PIK3CA: variants seen among roughly 807,000 people sequenced by gnomAD.
PIK3CA encodes phosphatidylinositol-4,5-bisphosphate 3-kinase catalytic subunit alpha, also known as phosphatidylinositol 4,5-bisphosphate 3-kinase catalytic subunit alpha isoform.
A neutral mutation model predicts 138.2 loss-of-function variants in PIK3CA; 27 were observed. That is an observed-to-expected ratio of 0.20 (90% CI 0.14 to 0.27). The LOEUF (loss-of-function observed/expected upper bound fraction) is 0.27, where lower values mean the gene tolerates loss of function less well. Among genes scored for constraint, PIK3CA ranks in the 10% least tolerant of loss-of-function variants. The pLI is 1.00. For missense variants in PIK3CA, 544 were observed against 1,277.4 expected (o/e 0.43, Z 8.75); for synonymous variants, 358 against 413.2 (o/e 0.87, Z 1.62).
intron 4 of PIK3CA, among the ~76,000 whole-genome samples, chr3:179,203,182 C>A (rs542837057): frequency 6.6e-6 from 1 of 151,958 alleles, no homozygotes; most frequent in Non-Finnish European, 1.5e-5. Context: ...CCTCGTGATC[C>A]GCCCGCCTCG....
intron 9 of PIK3CA, among the ~76,000 whole-genome samples, chr3:179,211,183 A>G (rs566391813): frequency 1.3e-5 from 2 of 152,326 alleles, no homozygotes; most frequent in African/African-American, 4.8e-5. Context: ...AAAATTTATC[A>G]AAACATACAC....
intron 9 of PIK3CA, among the ~76,000 whole-genome samples, chr3:179,213,561 A>C (rs78338421): frequency 6.6e-6 from 1 of 152,192 alleles, no homozygotes; most frequent in Non-Finnish European, 1.5e-5. Flanking sequence ...ACGACAGTGA[A>C]GTTTGCCACA....
intron 1 of PIK3CA, among the ~76,000 whole-genome samples, chr3:179,174,007 C>T (rs553528620): frequency 3.1e-4 from 47 of 152,070 alleles, no homozygotes; most frequent in Middle Eastern, 6.8e-3. Context: ...GGATTACAGG[C>T]GTGACCCATT....
intron 1 of PIK3CA, among the ~76,000 whole-genome samples, chr3:179,167,795 T>A (rs1471388120): frequency 6.6e-6 from 1 of 152,198 alleles, no homozygotes; most frequent in Non-Finnish European, 1.5e-5. Flanking sequence ...ATATTCCACA[T>A]ACTGCTCAAA....
chr3:179,152,063 T>C (rs1412283634), intron 1 of PIK3CA, among the ~76,000 whole-genome samples: 3 of 152,204 alleles, frequency 2.0e-5, no homozygotes, highest in Non-Finnish European at 4.4e-5. Context: ...CAAATAAATA[T>C]AGTAGAGACA....
chr3:179,186,300 G>T (rs1723980925), intron 1 of PIK3CA, among the ~76,000 whole-genome samples: 1 of 152,182 alleles, frequency 6.6e-6, no homozygotes, highest in South Asian at 2.1e-4. Flanking sequence ...GCTGAGCCCT[G>T]GATAATGTAC....
rs955655080 is a variant in PIK3CA, at chr3:179,239,511, T to G, written c.*5147T>G. ...ATTTAACTTATGTTCCTAAGAGAGG[T>G]TGGAGAACTTGGCCTTCATCTGATT... On this transcript the variant is annotated 3_prime_UTR_variant, in exon 21 of 21. Transcript: ENST00000263967. 16 of 214,036 alleles carry G rather than the reference T, an allele frequency of 7.5e-5. No homozygotes were observed. Among genetic ancestry groups the G allele is most frequent in the South Asian group, 1.9e-4 (1 of 5,364 alleles). 13.3% of individuals were successfully genotyped at this position (214,036 alleles called of 1,614,324 possible). A position where few individuals can be genotyped will look rare whatever the true frequency, so the allele number is the denominator to read the frequency against.
At chr3:179,223,565 A>G (rs1297257621) in intron 14 of PIK3CA, among the ~76,000 whole-genome samples, 1 of 152,170 alleles carries the variant, frequency 6.6e-6, no homozygotes, top group East Asian at 1.9e-4. Flanking sequence ...TTAAAAGCCT[A>G]AAAGTAAGGT....
intron 9 of PIK3CA, among the ~76,000 whole-genome samples, chr3:179,215,560 A>C (rs1243346080): frequency 6.6e-6 from 1 of 152,098 alleles, no homozygotes; most frequent in African/African-American, 2.4e-5. Flanking sequence ...AGAAGGATAG[A>C]ATAGCCTAGA....
In PIK3CA at chr3:179,199,882, A is replaced by G. The variant is rs1431315886; in HGVS notation, c.545A>G (p.Tyr182Cys). Residue 182 changes from tyrosine (Y) to cysteine (C), a missense_variant, in exon 3 of 21, where the codon TAT (tyrosine) becomes TGT (cysteine). Tyr to Cys is a radical substitution (Grantham distance 194). Around this residue, in one of 14 missense-constraint regions of PIK3CA, gnomAD observed 234 missense variants for 401.3 expected, o/e 0.58. Coordinates refer to ENST00000263967, the MANE Select transcript of PIK3CA (RefSeq NM_006218.4). ...TCACCAGAATTGCCAAAGCACATAT[A>G]TAATAAATTAGATAAAGGTAAGAAA... is the stretch of plus-strand genomic sequence containing the variant. ...ESSPELPKHIYNKLDKGQIIV... is the reference protein window; with the variant it reads ...ESSPELPKHICNKLDKGQIIV... The G allele has an allele frequency of 6.3e-7, 1 of 1,595,464 alleles. No homozygotes were observed. Among genetic ancestry groups the G allele is most frequent in the Admixed American group, 1.7e-5 (1 of 59,972 alleles).
intron 1 of PIK3CA, among the ~76,000 whole-genome samples, chr3:179,167,208 A>G (rs1723442744): frequency 6.6e-6 from 1 of 152,130 alleles, no homozygotes; most frequent in Non-Finnish European, 1.5e-5. Context: ...TAATAGGAGC[A>G]TTTGGGAAGT....
At position 179,161,136 on chromosome 3, in the gene PIK3CA, G is replaced by A. The variant is rs910226273; in HGVS notation, c.-77+12533G>A. ...GCTCAGGGTACACTTCTCATTACAA[G>A]GCCTTAAGGGAAGTGCTGCTTCTCC... is the stretch of plus-strand genomic sequence containing the variant. On this transcript the variant is annotated intron_variant, in intron 1 of 20. Transcript: ENST00000263967. Among the ~76,000 whole-genome samples the A allele has an allele frequency of 2.0e-5, 3 of 152,108 alleles. No individual in the cohort carries two copies. In the East Asian group the frequency reaches 5.8e-4, roughly 29 times the overall value.
At chr3:179,188,764 T>A in intron 1 of PIK3CA, among the ~76,000 whole-genome samples, 1 of 152,366 alleles carries the variant, frequency 6.6e-6, no homozygotes, top group East Asian at 1.9e-4. Flanking sequence ...TTAAATGGTA[T>A]ATTATGAAAT....
chr3:179,227,872 G>C (rs1306789918), intron 17 of PIK3CA, among the ~76,000 whole-genome samples: 1 of 151,958 alleles, frequency 6.6e-6, no homozygotes, highest in East Asian at 1.9e-4. Flanking sequence ...GAATAAATGA[G>C]AGGTACCCTA....
At chr3:179,232,951 G>A (rs1171320432) in intron 20 of PIK3CA, among the ~76,000 whole-genome samples, 1 of 151,956 alleles carries the variant, frequency 6.6e-6, no homozygotes, top group Non-Finnish European at 1.5e-5. Context: ...TCCACCTCCT[G>A]GGTTTAAGCA....
intron 3 of PIK3CA, among the ~76,000 whole-genome samples, chr3:179,200,798 AG>A (rs1724390996): frequency 6.6e-6 from 1 of 152,176 alleles, no homozygotes; most frequent in South Asian, 2.1e-4. Flanking sequence ...TAATCTTAAA[AG>A]GAGAAAATTA....
At chr3:179,183,200 T>G (rs1003006346) in intron 1 of PIK3CA, among the ~76,000 whole-genome samples, 9 of 152,244 alleles carry the variant, frequency 5.9e-5, no homozygotes, top group African/African-American at 2.2e-4. Context: ...TCATTATTAC[T>G]AACATAATAC....
chr3:179,180,378 C>T lies in PIK3CA; in HGVS notation c.-76-18372C>T, dbSNP rs1403236547. On this transcript the variant is annotated intron_variant, in intron 1 of 20. Transcript: ENST00000263967. ...TCTTTTCAACCTCATTTATATACTT[C>T]ATTTATATACTTGTATGAGTGTTTT... 2.6e-5 allele frequency among the ~76,000 whole-genome samples: 4 copies of T among 152,104 alleles called. No individual in the cohort carries two copies. The East Asian group carries it at 5.8e-4, about 22-fold the overall frequency.
At position 179,201,474 on chromosome 3, in the gene PIK3CA, G is replaced by A. The variant is rs753556876; in HGVS notation, c.747G>A (p.Lys249=). The change falls in exon 4 of 21, where the codon AAG becomes AAA. Residue 249 remains lysine, a synonymous_variant. Coordinates refer to ENST00000263967, the MANE Select transcript of PIK3CA (RefSeq NM_006218.4). ...LKLCVLEYQG[K]YILKVCGCDE... ...TCTGTGTTTTAGAATATCAGGGCAAGTATATTTTAAAAGTGTGTGGATGTG... is the reference window on the plus strand; with the variant it reads ...TCTGTGTTTTAGAATATCAGGGCAAATATATTTTAAAAGTGTGTGGATGTG... 3 of 1,612,350 alleles carry A rather than the reference G, an allele frequency of 1.9e-6. No homozygotes were observed. The highest frequency in any genetic ancestry group is 2.7e-5 in the African/African-American group (2 of 74,982).
Sources: allele counts gnomAD v4.1 joint callset (sites outside exome capture counted in the v4.1 genomes callset), GRCh38; gene constraint gnomAD v4.1.1; regional missense constraint gnomAD v4.1.1; transcripts MANE v1.5; gene names NCBI Gene and HGNC (gene_info 2026-07-23, HGNC 2026-07-21).